TENM4: variants seen among roughly 807,000 people sequenced by gnomAD.
TENM4 encodes teneurin-4.
A neutral mutation model predicts 243.3 loss-of-function variants in TENM4; 82 were observed. That is an observed-to-expected ratio of 0.34 (90% CI 0.28 to 0.40). TENM4 has a LOEUF of 0.40. Ranked by LOEUF, TENM4 falls within the 10% of genes least tolerant of loss-of-function variation. The pLI is 1.00. For missense variants in TENM4, 3,138 were observed against 3,673.3 expected (o/e 0.85, Z 3.77); for synonymous variants, 1,412 against 1,456.3 (o/e 0.97, Z 0.69).
At chr11:78,844,124 T>C (rs539265526) in intron 12 of TENM4, among the ~76,000 whole-genome samples, 3 of 152,286 alleles carry the variant, frequency 2.0e-5, no homozygotes, top group East Asian at 1.9e-4. Context: ...ATGCAAATAA[T>C]GATCCTTTCC....
intron 2 of TENM4, among the ~76,000 whole-genome samples, chr11:79,225,618 A>G (rs1864248074): frequency 6.6e-6 from 1 of 152,114 alleles, no homozygotes; most frequent in African/African-American, 2.4e-5. Flanking sequence ...ACTAAAGACC[A>G]GAGGCATACA....
At chr11:79,433,566 C>T (rs1590963587) in intron 1 of TENM4, among the ~76,000 whole-genome samples, 1 of 152,316 alleles carries the variant, frequency 6.6e-6, no homozygotes, top group Middle Eastern at 3.4e-3. Context: ...CAAAGAAAAA[C>T]ATTCTTAAAA....
chr11:79,233,336 A>C (rs1281275030), intron 2 of TENM4, among the ~76,000 whole-genome samples: 3 of 152,242 alleles, frequency 2.0e-5, no homozygotes, highest in Non-Finnish European at 4.4e-5. Context: ...GGATGGTTAA[A>C]GTACATGTTT....
intron 23 of TENM4, among the ~76,000 whole-genome samples, chr11:78,725,089 C>G (rs1855482984): frequency 6.6e-6 from 1 of 152,226 alleles, no homozygotes; most frequent in Admixed American, 6.5e-5. Context: ...TTTAATTACT[C>G]TTCCCAGGTC....
intron 1 of TENM4, among the ~76,000 whole-genome samples, chr11:79,362,408 A>G (rs1857606149): frequency 6.6e-6 from 1 of 152,240 alleles, no homozygotes; most frequent in Non-Finnish European, 1.5e-5. Flanking sequence ...AATCAGTGGG[A>G]AGGCAGGAAC....
chr11:79,279,945 G>A lies in TENM4; in HGVS notation c.-265+17543C>T, dbSNP rs566124155. On this transcript the variant is annotated intron_variant, in intron 2 of 33. Coordinates refer to ENST00000278550, the MANE Select transcript of TENM4 (RefSeq NM_001098816.3). ...TAGATTAGTGCCTTATAAAAGGGGTGGAGGGAACTAGCTCGGCCCCCTTTT... is the reference window on the plus strand; with the variant it reads ...TAGATTAGTGCCTTATAAAAGGGGTAGAGGGAACTAGCTCGGCCCCCTTTT... Among the ~76,000 whole-genome samples the A allele has an allele frequency of 2.6e-5, 4 of 152,206 alleles. No individual in the cohort carries two copies. In the South Asian group the frequency reaches 8.3e-4, roughly 32 times the overall value.
chr11:78,693,922 G>A (rs1858892072), intron 28 of TENM4, among the ~76,000 whole-genome samples: 2 of 152,122 alleles, frequency 1.3e-5, no homozygotes, highest in South Asian at 2.1e-4. Context: ...GGCTGAGGCA[G>A]GAGATTTGAT....
chr11:78,946,157 A>T (rs1215890954), intron 6 of TENM4, among the ~76,000 whole-genome samples: 1 of 152,240 alleles, frequency 6.6e-6, no homozygotes, highest in East Asian at 1.9e-4. Flanking sequence ...GGAAAAGTCA[A>T]TGCTTGGCTT....
intron 6 of TENM4, among the ~76,000 whole-genome samples, chr11:78,909,719 T>C (rs1046319775): frequency 7.2e-5 from 11 of 152,240 alleles, no homozygotes; most frequent in Admixed American, 2.0e-4. Context: ...CTGAGGGGCA[T>C]TCTAGGCAGA....
intron 9 of TENM4, among the ~76,000 whole-genome samples, chr11:78,889,497 A>C (rs1362470797): frequency 6.6e-6 from 1 of 152,232 alleles, no homozygotes; most frequent in Non-Finnish European, 1.5e-5. Flanking sequence ...GGCTAGTCTT[A>C]CTGAGCACTC....
intron 31 of TENM4, among the ~76,000 whole-genome samples, chr11:78,671,229 G>A (rs1858316806): frequency 6.6e-6 from 1 of 152,142 alleles, no homozygotes; most frequent in Non-Finnish European, 1.5e-5. Context: ...TGTGGCCCTG[G>A]GAAAGTTCTT....
rs375891147 is a variant in TENM4, at chr11:79,347,326, A to T, written c.-320-49783T>A. On this transcript the variant is annotated intron_variant, in intron 1 of 33. Transcript: ENST00000278550. ...TGTAGGGAGACTCTAGAGCTGCCTT[A>T]TACCAAACCCTCATGGCTTCCTCTG... Among the ~76,000 whole-genome samples, 50 of 152,296 alleles carry T rather than the reference A, an allele frequency of 3.3e-4. 1 individual carries two copies. Among genetic ancestry groups the T allele is most frequent in the African/African-American group, 1.2e-3 (50 of 41,564 alleles).
At chr11:79,209,480 A>G (rs1306061638) in intron 3 of TENM4, among the ~76,000 whole-genome samples, 1 of 152,198 alleles carries the variant, frequency 6.6e-6, no homozygotes, top group East Asian at 1.9e-4. Context: ...TCTTAGGTTC[A>G]CTGCTCCTTC....
intron 6 of TENM4, among the ~76,000 whole-genome samples, chr11:79,030,833 G>A (rs925882331): frequency 4.6e-5 from 7 of 152,100 alleles, no homozygotes; most frequent in South Asian, 2.1e-4. Flanking sequence ...AAGATCCAGC[G>A]CCCCTGAGAA....
intron 6 of TENM4, among the ~76,000 whole-genome samples, chr11:78,932,790 C>G (rs906882149): frequency 2.0e-5 from 3 of 152,128 alleles, no homozygotes; most frequent in African/African-American, 7.2e-5. Context: ...AACACAGATC[C>G]CTCGCATGCG....
chr11:79,240,545 A>G (rs1864570401), intron 2 of TENM4, among the ~76,000 whole-genome samples: 1 of 152,106 alleles, frequency 6.6e-6, no homozygotes, highest in African/African-American at 2.4e-5. Context: ...AACTCATCCA[A>G]GGTCACACAA....
intron 9 of TENM4, among the ~76,000 whole-genome samples, chr11:78,865,399 T>C (rs556919397): frequency 2.0e-5 from 3 of 152,226 alleles, no homozygotes; most frequent in Non-Finnish European, 4.4e-5. Context: ...CAGGCTTGCC[T>C]GCTTGGCTAG....
intron 1 of TENM4, among the ~76,000 whole-genome samples, chr11:79,367,104 G>T (rs1342483173): frequency 1.3e-5 from 2 of 152,188 alleles, no homozygotes; most frequent in African/African-American, 4.8e-5. Context: ...TATACAAATT[G>T]GCTGGATCAC....
chr11:78,866,574 C>G (rs934510885), intron 9 of TENM4, among the ~76,000 whole-genome samples: 1 of 148,526 alleles, frequency 6.7e-6, no homozygotes, highest in African/African-American at 2.5e-5. Flanking sequence ...TTAATGAGGG[C>G]AGGACAGTCC....
Sources: allele counts gnomAD v4.1 joint callset (sites outside exome capture counted in the v4.1 genomes callset), GRCh38; gene constraint gnomAD v4.1.1; transcripts MANE v1.5; gene names NCBI Gene and HGNC (gene_info 2026-07-23, HGNC 2026-07-21).